The following E2F3 variants were observed in gnomAD, a reference collection of about 807,000 sequenced individuals.
The protein encoded by E2F3 is transcription factor E2F3.
E2F3 carries 11 observed loss-of-function variants against 44.4 expected under a neutral mutation model. The observed-to-expected ratio is 0.25, with a 90% CI of 0.16 to 0.41. The LOEUF (loss-of-function observed/expected upper bound fraction) is 0.41. Ranked by LOEUF, E2F3 falls within the 10% of genes least tolerant of loss-of-function variation. The pLI is 1.00. For synonymous variants in E2F3, 249 were observed against 253.0 expected, an observed-to-expected ratio of 0.98 and a Z score of 0.15; for missense variants, 487 against 583.6, an observed-to-expected ratio of 0.83 and a Z score of 1.70.
chr6:20,407,140 C>T (rs955482667), intron 1 of E2F3, among the ~76,000 whole-genome samples: 3 of 152,084 alleles, frequency 2.0e-5, no homozygotes, highest in East Asian at 1.9e-4. Context: ...AGAAAAGTGC[C>T]GGGTTCCTGT....
At chr6:20,403,596 G>A in intron 1 of E2F3, 2 of 462,076 alleles carry the variant, frequency 4.3e-6, no homozygotes, top group South Asian at 3.3e-5. Context: ...GGCGCTGGAG[G>A]GGGAGAGGGG....
intron 1 of E2F3, among the ~76,000 whole-genome samples, chr6:20,445,654 A>C (rs1229585671): frequency 6.6e-6 from 1 of 152,204 alleles, no homozygotes; most frequent in Non-Finnish European, 1.5e-5. Flanking sequence ...CAGTTTAGCC[A>C]GTACAGTAAG....
intron 1 of E2F3, among the ~76,000 whole-genome samples, chr6:20,450,461 T>C (rs57674554): frequency 0.018 from 2,728 of 152,316 alleles, 87 homozygotes; most frequent in African/African-American, 0.061. Context: ...TGCCCACGTT[T>C]TAATGGGGCT....
intron 1 of E2F3, among the ~76,000 whole-genome samples, chr6:20,409,408 G>T (rs1759595578): frequency 6.6e-6 from 1 of 152,218 alleles, no homozygotes. Context: ...GTCTTCTGTG[G>T]TTATATCAAT....
chr6:20,453,879 A>G (rs1761223799), intron 1 of E2F3, among the ~76,000 whole-genome samples: 1 of 152,186 alleles, frequency 6.6e-6, no homozygotes, highest in South Asian at 2.1e-4. Context: ...TTTGGAAAGA[A>G]TGTTTCAGTT....
rs556692128 is a variant in E2F3 at position 20,490,859 on chromosome 6, G to A, written c.*429G>A. 18 of 229,424 alleles carry A rather than the reference G, an allele frequency of 7.8e-5. No homozygotes were observed. Among genetic ancestry groups the A allele is most frequent in the East Asian group, 4.4e-4 (7 of 15,934 alleles). The allele number at this position is 229,424 out of a possible 1,614,324, so 14.2% of individuals were successfully genotyped here. ...TAGCATTTCAAGCCGTGCCTTCTCC[G>A]CAGAATGCATGTCTTTGAGGTCTGC... On this transcript the variant is annotated 3_prime_UTR_variant, in exon 7 of 7. Transcript: ENST00000346618. This position sits in a 1 kb window ranked among gnomAD's most constrained non-coding sequence, Gnocchi z 4.3.
rs150647270 is a variant in E2F3 at position 20,405,344 on chromosome 6, ATTT to A, written c.393+2737_393+2739del. On this transcript the variant is annotated intron_variant, in intron 1 of 6. Transcript: ENST00000346618. ...GTATGCTGAATCATTGGTTATCTGC[ATTT>A]TTTTTTTTTTTTTTTTTGAGACGGA... 9.7e-3 allele frequency among the ~76,000 whole-genome samples: 1,052 copies of A among 108,156 alleles called. 6 individuals are homozygous for A. The highest frequency in any genetic ancestry group is 0.01 in the African/African-American group (288 of 27,882). The allele number at this position is 108,156 out of a possible 152,430, so 71.0% of individuals were successfully genotyped here. A position where few individuals can be genotyped will look rare whatever the true frequency, so the allele number is the denominator to read the frequency against.
chr6:20,449,264 A>G (rs1357901057), intron 1 of E2F3, among the ~76,000 whole-genome samples: 1 of 152,186 alleles, frequency 6.6e-6, no homozygotes, highest in Non-Finnish European at 1.5e-5. Flanking sequence ...GCCTCTTCCC[A>G]TCTACTCTGC....
chr6:20,428,741 G>A (rs895530062), intron 1 of E2F3, among the ~76,000 whole-genome samples: 2 of 152,042 alleles, frequency 1.3e-5, no homozygotes, highest in South Asian at 4.1e-4. Context: ...AAGAGTTAGG[G>A]GCATCTTTAG....
At chr6:20,444,149 T>C (rs1046561425) in intron 1 of E2F3, among the ~76,000 whole-genome samples, 1 of 152,136 alleles carries the variant, frequency 6.6e-6, no homozygotes, top group Non-Finnish European at 1.5e-5. Flanking sequence ...TGTTTGTGCC[T>C]CTACACTCTA....
intron 1 of E2F3, among the ~76,000 whole-genome samples, chr6:20,443,934 G>A (rs1760854472): frequency 6.6e-6 from 1 of 152,056 alleles, no homozygotes; most frequent in Non-Finnish European, 1.5e-5. Flanking sequence ...GACAGAGGCT[G>A]GGCTCAGTGT....
chr6:20,429,189 G>C (rs952677268), intron 1 of E2F3, among the ~76,000 whole-genome samples: 3 of 152,110 alleles, frequency 2.0e-5, no homozygotes, highest in African/African-American at 7.2e-5. Context: ...ATAATTCTTT[G>C]CCTATCACAG....
chr6:20,403,777 G>T, intron 1 of E2F3: 1 of 1,498,400 alleles, frequency 6.7e-7, no homozygotes, highest in Non-Finnish European at 8.9e-7. Flanking sequence ...TCTCCAGCCG[G>T]CCCCCCACCT....
In E2F3 at chr6:20,402,510, A is replaced by G. The variant is rs1759337996; in HGVS notation, c.278A>G (p.Gln93Arg). The G allele has an allele frequency of 1.2e-6, 2 of 1,602,438 alleles. No individual in the cohort carries two copies. The highest frequency in any genetic ancestry group is 1.7e-6 in the Non-Finnish European group (2 of 1,178,498). ...PLLPSAPGAE[Q>R]TAGSLLYTTP... The stretch of plus-strand genomic sequence containing the variant: ...CTCCCCAGTGCCCCCGGCGCGGAGC[A>G]GACCGCCGGCAGCCTCCTCTACACC... The change falls in exon 1 of 7, where the codon CAG (glutamine) becomes CGG (arginine). Residue 93 changes from glutamine (Q) to arginine (R), a missense_variant. Physicochemically the swap from Gln to Arg is conservative, Grantham distance 43. Transcript: ENST00000346618. The surrounding 1 kb of genome is among the most constrained non-coding windows in gnomAD (Gnocchi z 5.6).
chr6:20,430,620 A>G (rs1323166769), intron 1 of E2F3, among the ~76,000 whole-genome samples: 1 of 152,134 alleles, frequency 6.6e-6, no homozygotes, highest in Non-Finnish European at 1.5e-5. Flanking sequence ...GGAAACTTGG[A>G]TGGGAGAGAA....
At chr6:20,403,276 G>T (rs1385513666) in intron 1 of E2F3, among the ~76,000 whole-genome samples, 1 of 152,110 alleles carries the variant, frequency 6.6e-6, no homozygotes, top group Non-Finnish European at 1.5e-5. Flanking sequence ...TGGGCTGTCT[G>T]GGGTGAGGGG....
intron 1 of E2F3, chr6:20,403,569 A>T: frequency 2.2e-6 from 1 of 445,074 alleles, no homozygotes; most frequent in Non-Finnish European, 4.0e-6. Flanking sequence ...ACTGGGGAGG[A>T]GGCGGCGGCG....
intron 1 of E2F3, among the ~76,000 whole-genome samples, chr6:20,407,273 G>C (rs1472839794): frequency 2.0e-5 from 3 of 152,164 alleles, no homozygotes; most frequent in Non-Finnish European, 2.9e-5. Context: ...GCAGTGCCCA[G>C]ACTTGGGCAC....
chr6:20,473,833 C>T (rs1761965170), intron 1 of E2F3, among the ~76,000 whole-genome samples: 1 of 152,212 alleles, frequency 6.6e-6, no homozygotes, highest in Non-Finnish European at 1.5e-5. Context: ...CTGCATTGGT[C>T]ATGGTCTCAT....
Sources: gnomAD v4.1 joint callset for allele counts (sites outside exome capture counted in the v4.1 genomes callset) on GRCh38, gnomAD v4.1.1 for gene constraint, Gnocchi (gnomAD v3.1) non-coding constraint, MANE v1.5 for transcripts, NCBI Gene and HGNC (gene_info 2026-07-23, HGNC 2026-07-21) for gene names.